ANLN: variants seen among roughly 807,000 people sequenced by gnomAD.
The protein encoded by ANLN is anillin, actin binding protein.
Under a neutral mutation model 135.1 loss-of-function variants are expected in ANLN, and 59 were observed. The ratio of observed to expected loss-of-function variants is 0.44; its 90% CI spans 0.35 to 0.54. ANLN has a LOEUF of 0.54. Ranked by LOEUF, ANLN falls within the 20% of genes least tolerant of loss-of-function variation. ANLN has a pLI of 0.00. For missense variants in ANLN, 1,182 were observed against 1,340.0 expected, an observed-to-expected ratio of 0.88 and a Z score of 1.84; for synonymous variants, 406 against 456.4, an observed-to-expected ratio of 0.89 and a Z score of 1.41.
At chr7:36,437,623 G>A (rs557200012) in intron 20 of ANLN, among the ~76,000 whole-genome samples, 31 of 151,966 alleles carry the variant, frequency 2.0e-4, no homozygotes, top group Middle Eastern at 3.4e-3. Flanking sequence ...AGTAATGAAA[G>A]GTTTTTAATT....
Position 36,406,290 on chromosome 7 carries a change from G to A in ANLN, c.597G>A (p.Arg199=), listed in dbSNP as rs543090284. 1.2e-6 allele frequency: 2 copies of A among 1,614,152 alleles called. No individual in the cohort carries two copies. The highest frequency in any genetic ancestry group is 4.5e-5 in the East Asian group (2 of 44,886). ...SNASATPVGR[R]GRLANLAATI... ...CCTCGGCAACTCCAGTTGGCAGAAG[G>A]GGCCGTCTGGCCAATCTTGCTGCAA... Residue 199 remains arginine, a synonymous_variant, in exon 4 of 24, where the codon AGG becomes AGA. Coordinates refer to ENST00000265748, the MANE Select transcript of ANLN (RefSeq NM_018685.5).
Position 36,449,716 on chromosome 7 carries a change from C to G in ANLN, c.3130C>G (p.Pro1044Ala). 3 of 1,613,874 alleles carry G rather than the reference C, an allele frequency of 1.9e-6. No homozygotes were observed. The highest frequency in any genetic ancestry group is 1.3e-5 in the African/African-American group (1 of 75,002). ...TAATTGTACCAGTCGTCAGATAGAA[C>G]CAGCCAACAGAGAATTTTGTGCAAG... ...LANCTSRQIE[P>A]ANREFCARRN... The change falls in exon 23 of 24, where the codon CCA becomes GCA. Residue 1044 changes from proline (P) to alanine (A), a missense_variant. Physicochemically the swap from Pro to Ala is conservative, Grantham distance 27 (BLOSUM62 -1). This residue lies in a region of ANLN where 82 missense variants were observed against 133.3 expected (regional missense o/e 0.62). Coordinates refer to ENST00000265748, the MANE Select transcript of ANLN (RefSeq NM_018685.5).
chr7:36,441,903 G>C (rs1052070612), intron 21 of ANLN, among the ~76,000 whole-genome samples: 3 of 152,204 alleles, frequency 2.0e-5, no homozygotes, highest in Non-Finnish European at 2.9e-5. Context: ...TTGGGGAGCT[G>C]TAAGCAGTGT....
At chr7:36,403,104 C>T (rs183566219) in intron 3 of ANLN, among the ~76,000 whole-genome samples, 3 of 151,922 alleles carry the variant, frequency 2.0e-5, no homozygotes, top group East Asian at 1.9e-4. Context: ...GCAACAAGAG[C>T]GAAACTCTTT....
chr7:36,425,591 G>A (rs1420967563), intron 17 of ANLN, 111 bp from the exon 18 acceptor site: 3 of 793,626 alleles, frequency 3.8e-6, no homozygotes, highest in Non-Finnish European at 5.8e-6. Flanking sequence ...ACTGCTCCCG[G>A]CTAAGAATTA....
At chr7:36,435,859 C>T (rs571608976) in intron 20 of ANLN, among the ~76,000 whole-genome samples, 1,070 of 100,020 alleles carry the variant, frequency 0.011, 16 homozygotes, top group African/African-American at 0.04. Flanking sequence ...GGCGACAGAG[C>T]GAGACTCCGT....
At chr7:36,411,205 C>A in intron 7 of ANLN, 39 bp downstream of exon 7, 2 of 1,508,640 alleles carry the variant, frequency 1.3e-6, no homozygotes, top group South Asian at 1.2e-5. Flanking sequence ...ACTTGGTCCC[C>A]AAATAGTTGG....
At chr7:36,449,385 A>G in intron 22 of ANLN, 1 of 225,554 alleles carries the variant, frequency 4.4e-6, no homozygotes. Flanking sequence ...GGGGCTCATT[A>G]TACTGTTGTT....
intron 22 of ANLN, among the ~76,000 whole-genome samples, chr7:36,446,138 A>C (rs553067674): frequency 6.6e-6 from 1 of 152,200 alleles, no homozygotes; most frequent in South Asian, 2.1e-4. Flanking sequence ...GTGTCTTTTC[A>C]TGCACAGACT....
chr7:36,415,611 G>T, intron 7 of ANLN, 147 bp from the exon 8 acceptor site: 1 of 790,500 alleles, frequency 1.3e-6, no homozygotes. Flanking sequence ...GAACAAGGCT[G>T]GGCCTATTCA....
At chr7:36,449,874 C>A (rs758234597) in intron 23 of ANLN, 37 bp downstream of exon 23, 5 of 1,581,942 alleles carry the variant, frequency 3.2e-6, no homozygotes, top group Non-Finnish European at 4.3e-6. Context: ...ATCAACTAAG[C>A]AATTGATTGC....
intron 21 of ANLN, among the ~76,000 whole-genome samples, chr7:36,441,618 G>A (rs1033785896): frequency 1.3e-5 from 2 of 152,178 alleles, no homozygotes; most frequent in East Asian, 3.8e-4. Context: ...GCAGCCAGAA[G>A]GTTCAATTTT....
At chr7:36,448,033 G>C (rs896347809) in intron 22 of ANLN, among the ~76,000 whole-genome samples, 1 of 148,784 alleles carries the variant, frequency 6.7e-6, no homozygotes, top group Non-Finnish European at 1.5e-5. Context: ...CTTTTTTTTT[G>C]AGACAGGGTC....
intron 20 of ANLN, among the ~76,000 whole-genome samples, chr7:36,438,946 C>T (rs923758906): frequency 3.3e-5 from 5 of 152,062 alleles, no homozygotes; most frequent in South Asian, 2.1e-4. Context: ...CAAATATTGT[C>T]GTCTGTTTTC....
chr7:36,395,176 A>G (rs1018590043), intron 1 of ANLN, among the ~76,000 whole-genome samples: 11 of 152,186 alleles, frequency 7.2e-5, no homozygotes, highest in African/African-American at 2.4e-4. Flanking sequence ...TAACATATTC[A>G]TTATTTTACA....
At chr7:36,400,240 G>A (rs1243498690) in intron 3 of ANLN, among the ~76,000 whole-genome samples, 1 of 152,228 alleles carries the variant, frequency 6.6e-6, no homozygotes, top group Non-Finnish European at 1.5e-5. Context: ...TTGGCAGTAA[G>A]AGCTGAGAGA....
intron 3 of ANLN, among the ~76,000 whole-genome samples, chr7:36,405,281 G>A (rs1235240145): frequency 6.6e-6 from 1 of 152,190 alleles, no homozygotes; most frequent in Non-Finnish European, 1.5e-5. Context: ...GTGATATACA[G>A]ATGTACACAT....
chr7:36,435,049 G>T (rs192303487), intron 20 of ANLN, among the ~76,000 whole-genome samples: 54 of 152,154 alleles, frequency 3.5e-4, no homozygotes, highest in South Asian at 1.9e-3. Context: ...GGTTTCATGG[G>T]TTATAATATA....
At position 36,443,868 on chromosome 7, in the gene ANLN, T is replaced by G; in HGVS notation, c.3078+6T>G. 1 of 1,581,598 alleles carries G rather than the reference T, an allele frequency of 6.3e-7. No individual in the cohort carries two copies. The highest frequency in any genetic ancestry group is 8.6e-7 in the Non-Finnish European group (1 of 1,156,080). On this transcript the variant is annotated splice_donor_region_variant and intron_variant, in intron 22 of 23. Coordinates refer to ENST00000265748, the MANE Select transcript of ANLN (RefSeq NM_018685.5). ...CAGATGATGAGAAACGCAAGGTAAT[T>G]TATATAGTACTGTTTAGTGGTGAAA...
Sources: gnomAD v4.1 joint callset for allele counts (sites outside exome capture counted in the v4.1 genomes callset) on GRCh38, gnomAD v4.1.1 for gene constraint, gnomAD v4.1.1 regional missense constraint, MANE v1.5 for transcripts, NCBI Gene and HGNC (gene_info 2026-07-23, HGNC 2026-07-21) for gene names.